SCAMP1: variants seen among roughly 807,000 people sequenced by gnomAD.
SCAMP1 encodes the protein secretory carrier membrane protein 1.
Under a neutral mutation model 41.8 loss-of-function variants are expected in SCAMP1, and 15 were observed. That is an observed-to-expected ratio of 0.36 (90% CI 0.24 to 0.55). The LOEUF (loss-of-function observed/expected upper bound fraction) is 0.55, where lower values mean the gene tolerates loss of function less well. Ranked by LOEUF, SCAMP1 falls within the 20% of genes least tolerant of loss-of-function variation. The pLI is 0.86. For missense variants in SCAMP1, 341 were observed against 412.6 expected (o/e 0.83, Z 1.50); for synonymous variants, 135 against 136.8 (o/e 0.99, Z 0.09).
At chr5:78,360,770 G>C (rs748921314) in intron 1 of SCAMP1, 42 bp downstream of exon 1, 47 of 1,569,200 alleles carry the variant, frequency 3.0e-5, no homozygotes, top group Non-Finnish European at 4.1e-5. Flanking sequence ...GCGACGCGTC[G>C]TTGTTTGTGA....
intron 6 of SCAMP1, among the ~76,000 whole-genome samples, chr5:78,429,382 T>C (rs2112162449): frequency 6.7e-6 from 1 of 148,680 alleles, no homozygotes; most frequent in East Asian, 2.0e-4. Flanking sequence ...TTATCATTAA[T>C]GGTGTTGGAT....
intron 1 of SCAMP1, among the ~76,000 whole-genome samples, chr5:78,388,365 GA>G (rs1344016095): frequency 6.6e-6 from 1 of 152,234 alleles, no homozygotes; most frequent in Non-Finnish European, 1.5e-5. Flanking sequence ...TATTGGAGTA[GA>G]ATAAAACAAG....
At chr5:78,390,903 C>G (rs1288757987) in intron 2 of SCAMP1, among the ~76,000 whole-genome samples, 1 of 147,602 alleles carries the variant, frequency 6.8e-6, no homozygotes, top group African/African-American at 2.6e-5. Context: ...GCACATCTTG[C>G]ACCGCCCTTA....
chr5:78,366,088 CTTT>C (rs1213435420), intron 1 of SCAMP1, among the ~76,000 whole-genome samples: 2 of 151,182 alleles, frequency 1.3e-5, no homozygotes, highest in African/African-American at 4.9e-5. Flanking sequence ...ATGGCATCTT[CTTT>C]GTGTCCTCAC....
chr5:78,385,017 G>A (rs939074629), intron 1 of SCAMP1, among the ~76,000 whole-genome samples: 4 of 152,138 alleles, frequency 2.6e-5, no homozygotes, highest in Non-Finnish European at 4.4e-5. Flanking sequence ...AGTGCCAATA[G>A]GATTGATACC....
At chr5:78,389,476 C>T (rs1751433283) in intron 2 of SCAMP1, among the ~76,000 whole-genome samples, 1 of 151,968 alleles carries the variant, frequency 6.6e-6, no homozygotes, top group South Asian at 2.1e-4. Flanking sequence ...TCTATGTTCC[C>T]CAGGCTGGTC....
intron 2 of SCAMP1, among the ~76,000 whole-genome samples, chr5:78,411,528 G>C (rs1352079232): frequency 6.6e-6 from 1 of 152,120 alleles, no homozygotes; most frequent in Non-Finnish European, 1.5e-5. Context: ...GGAAGTTCGT[G>C]TCATGTTGTA....
chr5:78,454,206 C>T (rs1181330468), intron 7 of SCAMP1, among the ~76,000 whole-genome samples: 1 of 151,688 alleles, frequency 6.6e-6, no homozygotes, highest in Non-Finnish European at 1.5e-5. Context: ...CTGGCCAGAA[C>T]TTCCAACACT....
At position 78,381,079 on chromosome 5, in the gene SCAMP1, C is replaced by A. The variant is rs1580649634; in HGVS notation, c.58-7758C>A. 2.0e-5 allele frequency among the ~76,000 whole-genome samples: 3 copies of A among 147,762 alleles called. No homozygotes were observed. In the South Asian group the frequency reaches 6.6e-4, roughly 32 times the overall value. ...AAGACTCCGTCTCAAAAAAAAAAAA[C>A]TGTTTCTTGTTTCAAAGAGTTCACA... On this transcript the variant is annotated intron_variant, in intron 1 of 8. Transcript: ENST00000621999.
chr5:78,447,488 G>T (rs996227687), intron 6 of SCAMP1, among the ~76,000 whole-genome samples: 10 of 152,082 alleles, frequency 6.6e-5, no homozygotes. Context: ...AAGGTACAAA[G>T]GGAACGTAAT....
At chr5:78,431,511 T>A (rs1752621837) in intron 6 of SCAMP1, among the ~76,000 whole-genome samples, 2 of 149,558 alleles carry the variant, frequency 1.3e-5, no homozygotes, top group Admixed American at 1.3e-4. Flanking sequence ...AACTATTCTT[T>A]GTTTCTTTTC....
In SCAMP1 at chr5:78,434,517, C is replaced by T. The variant is rs1752696299; in HGVS notation, c.632+12557C>T. On this transcript the variant is annotated intron_variant, in intron 6 of 8. Coordinates refer to ENST00000621999, the MANE Select transcript of SCAMP1 (RefSeq NM_004866.6). Reference sequence around the variant, plus strand: ...CATTTACTTGGTGGTCCTCCTCTTCCTCCTCCCTCTCCTCCCTTCCTTCCT... The same window carrying T: ...CATTTACTTGGTGGTCCTCCTCTTCTTCCTCCCTCTCCTCCCTTCCTTCCT... Among the ~76,000 whole-genome samples, 2 of 148,240 alleles carry T rather than the reference C, an allele frequency of 1.3e-5. 1 individual carries two copies. The highest frequency in any genetic ancestry group is 4.4e-4 in the South Asian group (2 of 4,544).
chr5:78,418,690 A>G (rs1375256410), intron 4 of SCAMP1, 85 bp from the exon 5 acceptor site: 2 of 847,432 alleles, frequency 2.4e-6, no homozygotes, highest in African/African-American at 3.5e-5. Flanking sequence ...AACATAATAG[A>G]GTTTTTCTTT....
chr5:78,464,910 C>T (rs1753707131), intron 8 of SCAMP1, among the ~76,000 whole-genome samples: 1 of 152,196 alleles, frequency 6.6e-6, no homozygotes, highest in Non-Finnish European at 1.5e-5. Context: ...ATGATTCACA[C>T]TTTCTATTCT....
intron 6 of SCAMP1, among the ~76,000 whole-genome samples, chr5:78,429,289 T>G (rs1362172816): frequency 6.6e-6 from 1 of 151,388 alleles, no homozygotes; most frequent in Non-Finnish European, 1.5e-5. Flanking sequence ...TTTTTTTTTG[T>G]AGATGCCCTT....
chr5:78,370,724 A>G (rs994586272), intron 1 of SCAMP1: 5 of 152,168 alleles, frequency 3.3e-5, no homozygotes, highest in African/African-American at 9.7e-5. Flanking sequence ...GTCATATGGT[A>G]ACTCTGTTTA....
intron 1 of SCAMP1, among the ~76,000 whole-genome samples, chr5:78,379,967 C>T (rs948434893): frequency 6.6e-6 from 1 of 152,130 alleles, no homozygotes; most frequent in African/African-American, 2.4e-5. Context: ...AGTCTAGCTT[C>T]GAAGTCTATC....
At chr5:78,432,336 A>T (rs557642974) in intron 6 of SCAMP1, among the ~76,000 whole-genome samples, 1 of 152,212 alleles carries the variant, frequency 6.6e-6, no homozygotes, top group Non-Finnish European at 1.5e-5. Flanking sequence ...GTATCATATC[A>T]TAATCTTTTT....
chr5:78,444,513 A>G (rs377611922), intron 6 of SCAMP1, among the ~76,000 whole-genome samples: 66 of 152,310 alleles, frequency 4.3e-4, no homozygotes, highest in African/African-American at 1.6e-3. Context: ...GGTCCCTCCC[A>G]TGACATGTGA....
Sources: allele counts gnomAD v4.1 joint callset (sites outside exome capture counted in the v4.1 genomes callset), GRCh38; gene constraint gnomAD v4.1.1; transcripts MANE v1.5; gene names NCBI Gene and HGNC (gene_info 2026-07-23, HGNC 2026-07-21).